ENOX1: variants seen among roughly 807,000 people sequenced by gnomAD.
ENOX1 encodes the protein candidate growth-related and time keeping constitutive hydroquinone (NADH) oxidase.
Under a neutral mutation model 82.5 loss-of-function variants are expected in ENOX1, and 42 were observed. The ratio of observed to expected loss-of-function variants is 0.51; its 90% CI spans 0.40 to 0.66. ENOX1 has a LOEUF of 0.66. Among genes scored for constraint, ENOX1 ranks in the 30% least tolerant of loss-of-function variants. The pLI, the probability that ENOX1 is intolerant of heterozygous loss-of-function variation, is 0.00. For missense variants in ENOX1, 608 were observed against 811.6 expected, an observed-to-expected ratio of 0.75 and a Z score of 3.05; for synonymous variants, 271 against 282.2, an observed-to-expected ratio of 0.96 and a Z score of 0.40.
chr13:43,480,756 A>G (rs2058475562), intron 3 of ENOX1, among the ~76,000 whole-genome samples: 1 of 152,168 alleles, frequency 6.6e-6, no homozygotes, highest in Admixed American at 6.5e-5. Context: ...TAGATGAAAC[A>G]GATACATTTC....
intron 2 of ENOX1, among the ~76,000 whole-genome samples, chr13:43,659,738 A>G (rs778436949): frequency 6.6e-6 from 1 of 152,122 alleles, no homozygotes; most frequent in Non-Finnish European, 1.5e-5. Context: ...AATCCCTGAT[A>G]TCAGTATCCT....
intron 2 of ENOX1, among the ~76,000 whole-genome samples, chr13:43,551,180 T>C (rs1421424122): frequency 6.6e-6 from 1 of 152,224 alleles, no homozygotes; most frequent in African/African-American, 2.4e-5. Context: ...TTTCCAAGTA[T>C]AGCATACCTA....
chr13:43,380,647 G>A (rs1323606482), intron 5 of ENOX1, among the ~76,000 whole-genome samples: 1 of 151,398 alleles, frequency 6.6e-6, no homozygotes, highest in African/African-American at 2.4e-5. Flanking sequence ...AAAACTATAT[G>A]CTACTTATAA....
At chr13:43,738,408 G>C (rs1334106487) in intron 1 of ENOX1, among the ~76,000 whole-genome samples, 1 of 152,030 alleles carries the variant, frequency 6.6e-6, no homozygotes, top group Admixed American at 6.6e-5. Context: ...ATTCTCTCAG[G>C]CCATGTATAG....
chr13:43,290,675 C>A (rs1170341015), intron 12 of ENOX1, among the ~76,000 whole-genome samples: 1 of 152,166 alleles, frequency 6.6e-6, no homozygotes, highest in African/African-American at 2.4e-5. Context: ...TACGCTAAAC[C>A]TCAGCATCAC....
At chr13:43,529,023 G>A (rs1237684785) in intron 2 of ENOX1, among the ~76,000 whole-genome samples, 1 of 151,740 alleles carries the variant, frequency 6.6e-6, no homozygotes, top group Non-Finnish European at 1.5e-5. Context: ...TACGTTAAAC[G>A]TTTCTGCTTG....
At chr13:43,399,084 GC>G (rs145145436) in intron 5 of ENOX1, among the ~76,000 whole-genome samples, 5,559 of 151,968 alleles carry the variant, frequency 0.037, 146 homozygotes, top group South Asian at 0.092. Context: ...ACTGGGCCCA[GC>G]CCCTTCCTTA....
chr13:43,298,061 A>C (rs769861998), intron 12 of ENOX1, among the ~76,000 whole-genome samples: 1 of 152,222 alleles, frequency 6.6e-6, no homozygotes, highest in South Asian at 2.1e-4. Context: ...GGTATTTGCC[A>C]TGGGGCTATA....
At chr13:43,500,503 A>C (rs912410394) in intron 2 of ENOX1, among the ~76,000 whole-genome samples, 1 of 152,102 alleles carries the variant, frequency 6.6e-6, no homozygotes, top group Non-Finnish European at 1.5e-5. Context: ...TTAAAAATGC[A>C]TGAGAGACAA....
intron 1 of ENOX1, among the ~76,000 whole-genome samples, chr13:43,721,505 A>C (rs909110959): frequency 2.0e-5 from 3 of 147,460 alleles, no homozygotes; most frequent in Admixed American, 6.8e-5. Flanking sequence ...CAGCCTCCCA[A>C]GTAGCTGGGA....
rs544752150 is a variant in ENOX1, at chr13:43,236,420, G to A, written c.1714+216C>T. On this transcript the variant is annotated intron_variant, in intron 15 of 16. Coordinates refer to ENST00000690772, the MANE Select transcript of ENOX1 (RefSeq NM_001347969.2). The stretch of plus-strand genomic sequence containing the variant: ...TATTCTTGAACTCAGTTTCATGTCT[G>A]ACAATCAGTTAATATATACAGTTAC... Among the ~76,000 whole-genome samples the A allele has an allele frequency of 5.9e-5, 9 of 152,290 alleles. No homozygotes were observed. In the East Asian group the frequency reaches 1.7e-3, roughly 29 times the overall value.
intron 1 of ENOX1, among the ~76,000 whole-genome samples, chr13:43,770,686 TACACACAC>T (rs149111203): frequency 1.1e-3 from 165 of 146,242 alleles, no homozygotes; most frequent in Middle Eastern, 3.5e-3. Context: ...TACGTATGTG[TACACACAC>T]ACACACACAC....
chr13:43,786,315 G>C lies in ENOX1; in HGVS notation c.-285+337C>G. On this transcript the variant is annotated intron_variant, in intron 1 of 16. Coordinates refer to ENST00000690772, the MANE Select transcript of ENOX1 (RefSeq NM_001347969.2). This position sits in a 1 kb window ranked among gnomAD's most constrained non-coding sequence, Gnocchi z 6.0. ...GCGCTGTCCAAGGTGCAGGGGAGGT[G>C]ACTGGCGCGCGGCGGGCGCGGAGCC... 6.6e-6 allele frequency among the ~76,000 whole-genome samples: 1 copy of C among 152,182 alleles called. No homozygotes were observed. Among genetic ancestry groups the C allele is most frequent in the Middle Eastern group, 3.2e-3 (1 of 316 alleles).
At chr13:43,573,713 C>T (rs1050494431) in intron 2 of ENOX1, among the ~76,000 whole-genome samples, 1 of 152,114 alleles carries the variant, frequency 6.6e-6, no homozygotes, top group Admixed American at 6.6e-5. Flanking sequence ...ATAAATATGG[C>T]TAACATTCCT....
At chr13:43,769,291 C>A (rs1475640206) in intron 1 of ENOX1, among the ~76,000 whole-genome samples, 1 of 152,174 alleles carries the variant, frequency 6.6e-6, no homozygotes. Context: ...GCTACTATAG[C>A]GAATAGCACC....
intron 15 of ENOX1, among the ~76,000 whole-genome samples, chr13:43,224,980 G>A (rs2041958897): frequency 6.6e-6 from 1 of 152,188 alleles, no homozygotes; most frequent in Admixed American, 6.5e-5. Context: ...TTAAGAAGTT[G>A]TGCACTTGTT....
At chr13:43,570,040 G>A (rs2080108740) in intron 2 of ENOX1, among the ~76,000 whole-genome samples, 1 of 152,138 alleles carries the variant, frequency 6.6e-6, no homozygotes, top group Non-Finnish European at 1.5e-5. Context: ...TGTTTTCTTA[G>A]CACCCAGCAT....
chr13:43,572,883 A>C (rs1416378636), intron 2 of ENOX1, among the ~76,000 whole-genome samples: 1 of 152,244 alleles, frequency 6.6e-6, no homozygotes, highest in Non-Finnish European at 1.5e-5. Context: ...CCATTTTCAC[A>C]TAAAAATCAC....
In ENOX1 at chr13:43,610,520, C is replaced by G. The variant is rs531693650; in HGVS notation, c.-219+56959G>C. On this transcript the variant is annotated intron_variant, in intron 2 of 16. Transcript: ENST00000690772. The stretch of plus-strand genomic sequence containing the variant: ...ATTTTCCATTAAGAAAAGTATGTCT[C>G]TCTTTATGCTTAGTTAACGAACAGG... Among the ~76,000 whole-genome samples, 14 of 152,306 alleles carry G rather than the reference C, an allele frequency of 9.2e-5. No individual in the cohort carries two copies. The East Asian group carries it at 2.7e-3, about 29-fold the overall frequency.
Sources: gnomAD v4.1 joint callset for allele counts (sites outside exome capture counted in the v4.1 genomes callset) on GRCh38, gnomAD v4.1.1 for gene constraint, Gnocchi (gnomAD v3.1) non-coding constraint, MANE v1.5 for transcripts, NCBI Gene and HGNC (gene_info 2026-07-23, HGNC 2026-07-21) for gene names.